Variants in AUH observed in about 807,000 individuals in gnomAD.
The protein encoded by AUH is methylglutaconyl-CoA hydratase, mitochondrial.
A neutral mutation model predicts 42.3 loss-of-function variants in AUH; 29 were observed. That is an observed-to-expected ratio of 0.69 (90% confidence interval 0.51 to 0.93). The LOEUF (loss-of-function observed/expected upper bound fraction) is 0.93, where lower values mean the gene tolerates loss of function less well. AUH is among the 40% of genes least tolerant of loss of function. The probability of loss-of-function intolerance (pLI) is 0.00; values close to 1 mark genes in which losing one functional copy is unlikely to be tolerated. For synonymous variants in AUH, 174 were observed against 166.4 expected (o/e 1.05, Z -0.35); for missense variants, 452 against 438.1 (o/e 1.03, Z -0.28).
intron 6 of AUH, among the ~76,000 whole-genome samples, chr9:91,238,683 C>T (rs977750686): frequency 6.6e-6 from 1 of 152,172 alleles, no homozygotes; most frequent in Non-Finnish European, 1.5e-5. Flanking sequence ...TTTGAGAAGA[C>T]ATCAAGAATT....
rs564630206 is a variant in AUH, at chr9:91,337,250, T to C, written c.419-11846A>G. Among the ~76,000 whole-genome samples the C allele has an allele frequency of 1.1e-4, 17 of 152,310 alleles. 1 individual carries two copies. The Middle Eastern group carries it at 0.014, about 122-fold the overall frequency. ...GAATTAATTAATGAAATTCATGTGT[T>C]TTCTTTGTAGTTGAGATCTGATGAA... On this transcript the variant is annotated intron_variant, in intron 3 of 9. Coordinates refer to ENST00000375731, the MANE Select transcript of AUH (RefSeq NM_001698.3).
intron 3 of AUH, among the ~76,000 whole-genome samples, chr9:91,354,707 T>C (rs972597631): frequency 6.6e-6 from 1 of 152,222 alleles, no homozygotes. Flanking sequence ...CTTCACAACA[T>C]TGATATCACT....
At chr9:91,349,547 G>T (rs776727150) in intron 3 of AUH, among the ~76,000 whole-genome samples, 2 of 152,180 alleles carry the variant, frequency 1.3e-5, no homozygotes, top group Non-Finnish European at 2.9e-5. Context: ...AGCCCAATCA[G>T]ACTTCTTTAG....
chr9:91,324,268 C>T (rs901186666), intron 4 of AUH, among the ~76,000 whole-genome samples: 7 of 151,804 alleles, frequency 4.6e-5, no homozygotes, highest in Non-Finnish European at 1.0e-4. Context: ...TGTGGGAAGA[C>T]GAGGGAGGAG....
intron 4 of AUH, among the ~76,000 whole-genome samples, chr9:91,298,745 A>G (rs966645801): frequency 2.6e-5 from 4 of 152,226 alleles, no homozygotes; most frequent in African/African-American, 9.6e-5. Flanking sequence ...GAAATTGAGT[A>G]TTATTTTAAT....
chr9:91,244,732 A>G (rs962883802), intron 6 of AUH, among the ~76,000 whole-genome samples: 1 of 152,164 alleles, frequency 6.6e-6, no homozygotes, highest in African/African-American at 2.4e-5. Context: ...CTGTTCCAGG[A>G]GAATGTGTGA....
At chr9:91,278,248 G>A (rs1019296479) in intron 6 of AUH, among the ~76,000 whole-genome samples, 3 of 152,276 alleles carry the variant, frequency 2.0e-5, no homozygotes, top group East Asian at 1.9e-4. Flanking sequence ...AAAAAATAAC[G>A]GGGAAAGCAA....
At chr9:91,281,614 A>C (rs555429127) in intron 6 of AUH, among the ~76,000 whole-genome samples, 82 of 152,242 alleles carry the variant, frequency 5.4e-4, no homozygotes, top group African/African-American at 1.8e-3. Context: ...TCACTTCCCA[A>C]CTTGCTTTTT....
chr9:91,358,829 G>A (rs1163143611), intron 1 of AUH, among the ~76,000 whole-genome samples: 1 of 152,142 alleles, frequency 6.6e-6, no homozygotes, highest in Non-Finnish European at 1.5e-5. Context: ...AATCTGAAAT[G>A]AATTATCTAA....
chr9:91,247,988 G>A (rs1828893071), intron 6 of AUH, among the ~76,000 whole-genome samples: 1 of 152,034 alleles, frequency 6.6e-6, no homozygotes, highest in South Asian at 2.1e-4. Flanking sequence ...TCTTAACAGT[G>A]TCCTGACAAA....
At chr9:91,293,874 A>G (rs1827108514) in intron 6 of AUH, among the ~76,000 whole-genome samples, 1 of 152,252 alleles carries the variant, frequency 6.6e-6, no homozygotes, top group Non-Finnish European at 1.5e-5. Context: ...TTCAAAGGAC[A>G]GACTGACTCC....
intron 6 of AUH, among the ~76,000 whole-genome samples, chr9:91,236,272 G>T (rs1476853348): frequency 1.3e-5 from 2 of 150,808 alleles, no homozygotes; most frequent in Non-Finnish European, 3.0e-5. Context: ...GGGGATCGGG[G>T]TGGGGGTCTG....
intron 3 of AUH, among the ~76,000 whole-genome samples, chr9:91,336,673 C>T (rs1181142435): frequency 6.7e-6 from 1 of 148,324 alleles, no homozygotes; most frequent in Non-Finnish European, 1.5e-5. Context: ...CACACAGACT[C>T]GGTCTCCAGA....
intron 4 of AUH, among the ~76,000 whole-genome samples, chr9:91,307,090 GA>G (rs1424276464): frequency 6.6e-6 from 1 of 152,194 alleles, no homozygotes; most frequent in Admixed American, 6.5e-5. Context: ...GGGTAGCAGG[GA>G]GGGGCAAAAG....
chr9:91,223,776 T>G (rs1233503465), intron 6 of AUH, among the ~76,000 whole-genome samples: 2 of 152,176 alleles, frequency 1.3e-5, no homozygotes, highest in African/African-American at 4.8e-5. Flanking sequence ...TGCAGTAGCA[T>G]TTTGAAACCC....
At chr9:91,271,617 A>G (rs1479143225) in intron 6 of AUH, among the ~76,000 whole-genome samples, 3 of 152,252 alleles carry the variant, frequency 2.0e-5, no homozygotes, top group South Asian at 2.1e-4. Context: ...AAATATATGT[A>G]GCCTTTCTGC....
chr9:91,288,336 G>A (rs903044491), intron 6 of AUH, among the ~76,000 whole-genome samples: 17 of 152,092 alleles, frequency 1.1e-4, no homozygotes, highest in African/African-American at 3.9e-4. Context: ...GGAAAGTACT[G>A]TTTTAGGAAC....
At chr9:91,304,278 G>T (rs1828041818) in intron 4 of AUH, among the ~76,000 whole-genome samples, 1 of 152,156 alleles carries the variant, frequency 6.6e-6, no homozygotes, top group South Asian at 2.1e-4. Flanking sequence ...ATTTCAGGCT[G>T]TATGGATTCA....
chr9:91,302,679 G>A (rs2131696766), intron 4 of AUH, among the ~76,000 whole-genome samples: 2 of 152,290 alleles, frequency 1.3e-5, no homozygotes, highest in Middle Eastern at 6.8e-3. Flanking sequence ...TGAGGCAGGG[G>A]AATTGCTTGA....
Sources: allele counts gnomAD v4.1 joint callset (sites outside exome capture counted in the v4.1 genomes callset), GRCh38; gene constraint gnomAD v4.1.1; transcripts MANE v1.5; gene names NCBI Gene and HGNC (gene_info 2026-07-23, HGNC 2026-07-21).